KIF6: variants seen among roughly 807,000 people sequenced by gnomAD.
The protein encoded by KIF6 is kinesin-like protein KIF6.
In KIF6, 106 loss-of-function variants were observed where a neutral mutation model predicts 112.7. The ratio of observed to expected loss-of-function variants is 0.94; its 90% CI spans 0.80 to 1.11. The LOEUF is 1.11. Ranked by LOEUF, KIF6 falls within the 50% of genes least tolerant of loss-of-function variation. KIF6 has a pLI of 0.00. For synonymous variants in KIF6, 339 were observed against 339.9 expected, an observed-to-expected ratio of 1.00 and a Z score of 0.03; for missense variants, 929 against 964.0, an observed-to-expected ratio of 0.96 and a Z score of 0.48.
chr6:39,637,962 G>T (rs1389819576), intron 4 of KIF6, among the ~76,000 whole-genome samples: 1 of 152,012 alleles, frequency 6.6e-6, no homozygotes, highest in Non-Finnish European at 1.5e-5. Flanking sequence ...GTACTAAGGA[G>T]ACATTTAGAC....
chr6:39,364,913 GC>G (rs1765444300), intron 16 of KIF6, among the ~76,000 whole-genome samples: 1 of 152,198 alleles, frequency 6.6e-6, no homozygotes, highest in African/African-American at 2.4e-5. Flanking sequence ...ATTTTTAGCA[GC>G]TCTGTCGTGG....
intron 13 of KIF6, among the ~76,000 whole-genome samples, chr6:39,533,465 G>A (rs867776854): frequency 1.1e-4 from 17 of 152,282 alleles, no homozygotes; most frequent in South Asian, 1.0e-3. Context: ...GGGGAGGGGC[G>A]CCCGCCATTG....
intron 13 of KIF6, among the ~76,000 whole-genome samples, chr6:39,485,654 C>G (rs1212659255): frequency 6.6e-6 from 1 of 152,128 alleles, no homozygotes; most frequent in Non-Finnish European, 1.5e-5. Context: ...TACACATTAT[C>G]AATGTGCAGA....
chr6:39,605,707 A>G (rs894349362), intron 6 of KIF6, among the ~76,000 whole-genome samples: 1 of 152,162 alleles, frequency 6.6e-6, no homozygotes, highest in Admixed American at 6.6e-5. Flanking sequence ...CACTCAGAGT[A>G]CAGATGCCGA....
intron 6 of KIF6, among the ~76,000 whole-genome samples, chr6:39,611,122 A>G (rs1446692845): frequency 6.6e-6 from 1 of 152,148 alleles, no homozygotes; most frequent in South Asian, 2.1e-4. Flanking sequence ...CCTGGCTAAC[A>G]TGGCGAAACC....
chr6:39,721,408 A>G (rs1008383201), intron 1 of KIF6, among the ~76,000 whole-genome samples: 15 of 152,192 alleles, frequency 9.9e-5, no homozygotes, highest in African/African-American at 3.6e-4. Flanking sequence ...CTCAGCCACT[A>G]ATTAGCAAGT....
rs74418831 is a variant in KIF6, at chr6:39,667,773, C to G, written c.252-28016G>C. ...TTAGACTTTGGGAATTTTGATCTTTCAGGATTTCAACATTCAGGATAATGG... is the reference window on the plus strand; with the variant it reads ...TTAGACTTTGGGAATTTTGATCTTTGAGGATTTCAACATTCAGGATAATGG... On this transcript the variant is annotated intron_variant, in intron 3 of 22. Coordinates refer to ENST00000287152, the MANE Select transcript of KIF6 (RefSeq NM_145027.6). Among the ~76,000 whole-genome samples the G allele has an allele frequency of 7.7e-3, 1,178 of 152,206 alleles. 19 individuals carry two copies. The highest frequency in any genetic ancestry group is 0.027 in the African/African-American group (1,120 of 41,524).
At chr6:39,495,385 C>A (rs1233118479) in intron 13 of KIF6, among the ~76,000 whole-genome samples, 1 of 152,198 alleles carries the variant, frequency 6.6e-6, no homozygotes, top group Non-Finnish European at 1.5e-5. Flanking sequence ...GGATTGGGCT[C>A]AGTGGGAACT....
At chr6:39,585,178 A>C (rs922062258) in intron 8 of KIF6, among the ~76,000 whole-genome samples, 194 bp from the exon 9 acceptor site, 1 of 152,226 alleles carries the variant, frequency 6.6e-6, no homozygotes, top group African/African-American at 2.4e-5. Flanking sequence ...TTTTGGCCAC[A>C]AGGGCCTGGT....
intron 13 of KIF6, among the ~76,000 whole-genome samples, chr6:39,464,897 G>A (rs375943374): frequency 6.6e-6 from 1 of 152,202 alleles, no homozygotes; most frequent in African/African-American, 2.4e-5. Context: ...GTCACTGAAA[G>A]CATGGCTGTC....
chr6:39,527,206 T>G (rs1473336923), intron 13 of KIF6, among the ~76,000 whole-genome samples: 1 of 152,170 alleles, frequency 6.6e-6, no homozygotes, highest in Non-Finnish European at 1.5e-5. Context: ...TTCTCCTTCT[T>G]GTGTCTATAG....
At chr6:39,408,571 T>G (rs1420016327) in intron 15 of KIF6, among the ~76,000 whole-genome samples, 1 of 152,164 alleles carries the variant, frequency 6.6e-6, no homozygotes, top group Admixed American at 6.5e-5. Context: ...GGGGGCAGAA[T>G]GATACTTTAT....
chr6:39,548,655 T>A lies in KIF6; in HGVS notation c.1182-2967A>T, dbSNP rs370213237. Among the ~76,000 whole-genome samples the A allele has an allele frequency of 1.1e-4, 16 of 152,326 alleles. No individual in the cohort carries two copies. In the East Asian group the frequency reaches 3.1e-3, roughly 29 times the overall value. ...AGATGTTTTCGTTGTACTCCTCTAG[T>A]AGTTGAGAGTGAACAAATGAACCCA... On this transcript the variant is annotated intron_variant, in intron 10 of 22. Transcript: ENST00000287152.
intron 6 of KIF6, among the ~76,000 whole-genome samples, chr6:39,598,664 G>A (rs991728726): frequency 2.0e-5 from 3 of 151,644 alleles, no homozygotes; most frequent in African/African-American, 7.3e-5. Flanking sequence ...TATATATGTG[G>A]ACATTCACTG....
At chr6:39,550,803 G>T (rs1779332154) in intron 10 of KIF6, among the ~76,000 whole-genome samples, 1 of 152,200 alleles carries the variant, frequency 6.6e-6, no homozygotes, top group African/African-American at 2.4e-5. Context: ...TGTCTCCATT[G>T]AGGGTGAGTT....
At chr6:39,638,404 T>G (rs1265644659) in intron 4 of KIF6, among the ~76,000 whole-genome samples, 1 of 152,068 alleles carries the variant, frequency 6.6e-6, no homozygotes, top group East Asian at 1.9e-4. Context: ...TGAAAACTAT[T>G]AGGAATTATA....
At chr6:39,520,134 A>G (rs554971044) in intron 13 of KIF6, among the ~76,000 whole-genome samples, 140 of 152,312 alleles carry the variant, frequency 9.2e-4, no homozygotes, top group African/African-American at 3.3e-3. Flanking sequence ...GCAGTTTCTT[A>G]TATACTAGCT....
At chr6:39,355,489 AG>A (rs1176078103) in intron 19 of KIF6, among the ~76,000 whole-genome samples, 1 of 131,092 alleles carries the variant, frequency 7.6e-6, no homozygotes, top group Non-Finnish European at 1.5e-5. Flanking sequence ...TTTGAGGCAG[AG>A]TCTCGCTCTG....
At chr6:39,446,461 G>A (rs1772320129) in intron 13 of KIF6, among the ~76,000 whole-genome samples, 2 of 152,158 alleles carry the variant, frequency 1.3e-5, no homozygotes, top group Non-Finnish European at 2.9e-5. Flanking sequence ...TGAGCAAGAA[G>A]GAGAGATCTC....
Sources: allele counts gnomAD v4.1 joint callset (sites outside exome capture counted in the v4.1 genomes callset), GRCh38; gene constraint gnomAD v4.1.1; transcripts MANE v1.5; gene names NCBI Gene and HGNC (gene_info 2026-07-23, HGNC 2026-07-21).